The following UBE2E2 variants were observed in gnomAD, a reference collection of about 807,000 sequenced individuals.
The protein encoded by UBE2E2 is ubiquitin conjugating enzyme E2 E2.
A neutral mutation model predicts 24.7 loss-of-function variants in UBE2E2; 6 were observed. The observed-to-expected ratio is 0.24, with a 90% CI of 0.13 to 0.48. The LOEUF is 0.48. Among genes scored for constraint, UBE2E2 ranks in the 20% least tolerant of loss-of-function variants. UBE2E2 has a pLI of 0.99. For synonymous variants in UBE2E2, 104 were observed against 83.6 expected, an observed-to-expected ratio of 1.24 and a Z score of -1.33; for missense variants, 169 against 245.0, an observed-to-expected ratio of 0.69 and a Z score of 2.07.
chr3:23,243,360 A>T (rs1697306749), intron 3 of UBE2E2, among the ~76,000 whole-genome samples: 1 of 152,220 alleles, frequency 6.6e-6, no homozygotes, highest in South Asian at 2.1e-4. Flanking sequence ...CTGTAATGGC[A>T]GAGAATAGCA....
At chr3:23,246,287 C>CTCGGCTCACTGCAAGCT (rs2082972436) in intron 3 of UBE2E2, among the ~76,000 whole-genome samples, 1 of 143,518 alleles carries the variant, frequency 7.0e-6, no homozygotes, top group Admixed American at 7.0e-5. Flanking sequence ...GTGGCGCAAT[C>CTCGGCTCACTGCAAGCT]TCGGCTCACT....
chr3:23,349,256 A>G (rs987972924), intron 3 of UBE2E2, among the ~76,000 whole-genome samples: 1 of 152,218 alleles, frequency 6.6e-6, no homozygotes, highest in African/African-American at 2.4e-5. Context: ...GAGGCAGCCA[A>G]AATGGCCGAA....
intron 3 of UBE2E2, among the ~76,000 whole-genome samples, chr3:23,462,512 C>T (rs952060532): frequency 6.6e-6 from 1 of 152,024 alleles, no homozygotes; most frequent in Non-Finnish European, 1.5e-5. Flanking sequence ...CACGACGAAC[C>T]CTGAATCCTC....
chr3:23,501,077 C>G (rs1046988375), intron 4 of UBE2E2, among the ~76,000 whole-genome samples: 36 of 152,080 alleles, frequency 2.4e-4, no homozygotes, highest in African/African-American at 8.5e-4. Context: ...CTACTTTAGA[C>G]CAGCCCTTAT....
intron 3 of UBE2E2, among the ~76,000 whole-genome samples, chr3:23,396,333 A>G (rs71322182): frequency 0.1 from 14,709 of 145,946 alleles, 867 homozygotes; most frequent in East Asian, 0.13. Flanking sequence ...ATATATACGT[A>G]TATATATATA....
chr3:23,416,990 T>G (rs1361587957), intron 3 of UBE2E2, among the ~76,000 whole-genome samples: 1 of 152,206 alleles, frequency 6.6e-6, no homozygotes, highest in Non-Finnish European at 1.5e-5. Flanking sequence ...TGCATTGGGT[T>G]AGAACATGCT....
chr3:23,370,158 C>T (rs193217631), intron 3 of UBE2E2, among the ~76,000 whole-genome samples: 110 of 152,230 alleles, frequency 7.2e-4, no homozygotes, highest in Non-Finnish European at 1.2e-3. Context: ...CCTAAGAAGC[C>T]TGCTTCTTTA....
chr3:23,334,908 A>G (rs535156333), intron 3 of UBE2E2, among the ~76,000 whole-genome samples: 1 of 151,790 alleles, frequency 6.6e-6, no homozygotes, highest in Non-Finnish European at 1.5e-5. Context: ...AAATTCAGCT[A>G]TTTTTTTTCT....
At chr3:23,566,122 A>G (rs532947009) in intron 5 of UBE2E2, among the ~76,000 whole-genome samples, 1 of 152,308 alleles carries the variant, frequency 6.6e-6, no homozygotes, top group African/African-American at 2.4e-5. Flanking sequence ...TCAAATTAAC[A>G]TGTTTGCCTC....
intron 5 of UBE2E2, among the ~76,000 whole-genome samples, chr3:23,545,493 G>C (rs951517020): frequency 1.2e-4 from 18 of 152,116 alleles, no homozygotes; most frequent in Non-Finnish European, 2.2e-4. Flanking sequence ...GAGAGCATGG[G>C]GTTGGGGGTA....
chr3:23,230,676 C>T (rs907265379), intron 3 of UBE2E2, among the ~76,000 whole-genome samples: 4 of 151,604 alleles, frequency 2.6e-5, no homozygotes, highest in African/African-American at 9.7e-5. Context: ...ATCCCAGCTA[C>T]TCAGGAGGCT....
chr3:23,255,282 T>C (rs1317856638), intron 3 of UBE2E2, among the ~76,000 whole-genome samples: 2 of 149,948 alleles, frequency 1.3e-5, no homozygotes, highest in Non-Finnish European at 3.0e-5. Flanking sequence ...TTGGTAACGA[T>C]AGGGTTTTGC....
chr3:23,432,303 G>A (rs996271996), intron 3 of UBE2E2, among the ~76,000 whole-genome samples: 1 of 152,056 alleles, frequency 6.6e-6, no homozygotes, highest in East Asian at 1.9e-4. Context: ...GGTATCATAA[G>A]TGCAATTATT....
chr3:23,332,352 C>A (rs1276530460), intron 3 of UBE2E2, among the ~76,000 whole-genome samples: 1 of 152,060 alleles, frequency 6.6e-6, no homozygotes, highest in African/African-American at 2.4e-5. Flanking sequence ...TGATGTTGCC[C>A]AGGATGGTCT....
chr3:23,339,304 G>C (rs1349832950), intron 3 of UBE2E2, among the ~76,000 whole-genome samples: 1 of 152,134 alleles, frequency 6.6e-6, no homozygotes, highest in Non-Finnish European at 1.5e-5. Context: ...AAAGAGATCT[G>C]ATAACTAAAT....
At chr3:23,520,391 G>T (rs909839094) in intron 4 of UBE2E2, among the ~76,000 whole-genome samples, 1 of 152,002 alleles carries the variant, frequency 6.6e-6, no homozygotes, top group Non-Finnish European at 1.5e-5. Flanking sequence ...TATTATTTTT[G>T]GTTACAACTT....
intron 3 of UBE2E2, among the ~76,000 whole-genome samples, chr3:23,389,021 AAAAG>A (rs1171636783): frequency 1.3e-5 from 2 of 152,034 alleles, no homozygotes; most frequent in African/African-American, 2.4e-5. Flanking sequence ...AAAAAAAAGA[AAAAG>A]AAAAAGAAAA....
chr3:23,345,724 T>C (rs1259940640), intron 3 of UBE2E2, among the ~76,000 whole-genome samples: 3 of 152,226 alleles, frequency 2.0e-5, no homozygotes, highest in Non-Finnish European at 4.4e-5. Context: ...ATTTTTTTAA[T>C]GTCATGTTAA....
chr3:23,205,911 G>A (rs1337022905), intron 1 of UBE2E2, among the ~76,000 whole-genome samples: 1 of 152,066 alleles, frequency 6.6e-6, no homozygotes, highest in Admixed American at 6.5e-5. Context: ...TATGGCATTC[G>A]ATAGTATGTA....
Sources: gnomAD v4.1 joint callset for allele counts (sites outside exome capture counted in the v4.1 genomes callset) on GRCh38, gnomAD v4.1.1 for gene constraint, MANE v1.5 for transcripts, NCBI Gene and HGNC (gene_info 2026-07-23, HGNC 2026-07-21) for gene names.